TP53I11: variants seen among roughly 807,000 people sequenced by gnomAD.
The protein encoded by TP53I11 is tumor protein p53-inducible protein 11.
In TP53I11, 9 loss-of-function variants were observed where a neutral mutation model predicts 23.3. The ratio of observed to expected loss-of-function variants is 0.39; its 90% confidence interval spans 0.23 to 0.67. TP53I11 has a LOEUF of 0.67. TP53I11 is among the 30% of genes least tolerant of loss of function. The pLI is 0.48. For missense variants in TP53I11, 170 were observed against 255.2 expected, an observed-to-expected ratio of 0.67 and a Z score of 2.27; for synonymous variants, 100 against 106.1, an observed-to-expected ratio of 0.94 and a Z score of 0.35.
At chr11:44,938,177 G>A (rs1436113805) in intron 2 of TP53I11, 30 bp downstream of exon 2, 1 of 1,601,188 alleles carries the variant, frequency 6.2e-7, no homozygotes, top group Non-Finnish European at 8.5e-7. Flanking sequence ...CTCCCCAGTG[G>A]GTGCCGGAGG....
At chr11:44,938,426 AG>A (rs1228686845) in intron 1 of TP53I11, 60 bp from the exon 2 acceptor site, 3 of 1,441,314 alleles carry the variant, frequency 2.1e-6, no homozygotes, top group African/African-American at 2.9e-5. Context: ...CCCTAGGGGA[AG>A]GGGCCTGACT....
intron 1 of TP53I11, among the ~76,000 whole-genome samples, chr11:44,938,594 A>G (rs1163155441): frequency 1.3e-5 from 2 of 152,186 alleles, no homozygotes; most frequent in Admixed American, 1.3e-4. Context: ...TGGACACAGC[A>G]CACCCCATCT....
chr11:44,938,850 C>T (rs1160132304), intron 1 of TP53I11, among the ~76,000 whole-genome samples: 1 of 152,194 alleles, frequency 6.6e-6, no homozygotes, highest in African/African-American at 2.4e-5. Context: ...GTGAGCCCCT[C>T]TCCCGTCTCC....
chr11:44,935,923 T>C (rs1480688339), intron 5 of TP53I11: 8 of 556,488 alleles, frequency 1.4e-5, no homozygotes, highest in East Asian at 9.1e-5. Flanking sequence ...CTTCCCCGCA[T>C]TGAGACTCGA....
intron 2 of TP53I11, among the ~76,000 whole-genome samples, chr11:44,937,885 C>A (rs1861333969): frequency 6.6e-6 from 1 of 152,242 alleles, no homozygotes; most frequent in Non-Finnish European, 1.5e-5. Flanking sequence ...CTGCCACTTA[C>A]CGGTGTGGCC....
Position 44,942,238 on chromosome 11 carries a change from A to C in TP53I11, c.-31-3872T>G, listed in dbSNP as rs12222011. ...CACACCCACCACACACCTACCACAC[A>C]CCACACACACCCACACACTACACAC... On this transcript the variant is annotated intron_variant, in intron 1 of 6. Coordinates refer to ENST00000525680, the MANE Select transcript of TP53I11 (RefSeq NM_006034.5). Among the ~76,000 whole-genome samples the C allele has an allele frequency of 2.6e-4, 30 of 115,052 alleles. No homozygotes were observed. In the South Asian group the frequency reaches 8.0e-3, roughly 31 times the overall value. 75.5% of individuals were successfully genotyped at this position (115,052 alleles called of 152,430 possible).
At chr11:44,942,176 CAA>C (rs1427704762) in intron 1 of TP53I11, among the ~76,000 whole-genome samples, 1 of 99,518 alleles carries the variant, frequency 1.0e-5, no homozygotes, top group Non-Finnish European at 2.1e-5. Context: ...AATGCACACA[CAA>C]AACACACACA....
At chr11:44,935,689 G>A (rs751370895) in intron 5 of TP53I11, 27 bp from the exon 6 acceptor site, 12 of 1,357,334 alleles carry the variant, frequency 8.8e-6, no homozygotes, top group African/African-American at 8.6e-5. Flanking sequence ...AAAGGGGGCT[G>A]GGGGTGGGAC....
chr11:44,938,145 C>A, intron 2 of TP53I11, 62 bp downstream of exon 2: 4 of 1,550,586 alleles, frequency 2.6e-6, no homozygotes, highest in Non-Finnish European at 3.5e-6. Flanking sequence ...AACCTTCTCC[C>A]CTAATGGTGG....
intron 1 of TP53I11, among the ~76,000 whole-genome samples, chr11:44,948,243 C>G (rs1277095224): frequency 2.0e-5 from 3 of 152,188 alleles, no homozygotes; most frequent in African/African-American, 7.2e-5. Flanking sequence ...GACTGACATA[C>G]TGTCTCTGAG....
intron 5 of TP53I11, 123 bp from the exon 6 acceptor site, chr11:44,935,785 G>A (rs904175061): frequency 1.6e-5 from 11 of 671,810 alleles, no homozygotes; most frequent in Middle Eastern, 3.9e-4. Flanking sequence ...TGGACTCCAC[G>A]CCTCCGCCCC....
At position 44,936,126 on chromosome 11, in the gene TP53I11, G is replaced by A. The variant is rs998810688; in HGVS notation, c.335-464C>T. 1.2e-4 allele frequency: 91 copies of A among 762,812 alleles called. No homozygotes were observed. The highest frequency in any genetic ancestry group is 1.5e-4 in the Non-Finnish European group (91 of 618,690). The allele number at this position is 762,812 out of a possible 1,614,324, so 47.3% of individuals were successfully genotyped here. A position where few individuals can be genotyped will look rare whatever the true frequency, so the allele number is the denominator to read the frequency against. ...CGCTTTAAGGAAGTCCCCTGGGGGA[G>A]GGGGATGAACCATACTTTTTAGCAG... On this transcript the variant is annotated intron_variant, in intron 5 of 6. Transcript: ENST00000525680. This position sits in a 1 kb window ranked among gnomAD's most constrained non-coding sequence, Gnocchi z 4.4.
At position 44,934,642 on chromosome 11, in the gene TP53I11, G is replaced by A; in HGVS notation, c.*242C>T. ...CAAGGAAAGGAGGTATCACTGTGAG[G>A]GTGAAGAACAGGGCAGCAGAGGCCC... On this transcript the variant is annotated 3_prime_UTR_variant, in exon 7 of 7. Transcript: ENST00000525680. The A allele has an allele frequency of 1.9e-6, 1 of 536,538 alleles. No homozygotes were observed. The highest frequency in any genetic ancestry group is 3.3e-6 in the Non-Finnish European group (1 of 301,008). 33.2% of individuals were successfully genotyped at this position (536,538 alleles called of 1,614,324 possible).
chr11:44,936,978 T>G lies in TP53I11; in HGVS notation c.238-79A>C. ...ACAGCTGATGCTTCCCACAGACGTCTTCCTTCCCCGCCAGGAGCAGGATCA... is the reference window on the plus strand; with the variant it reads ...ACAGCTGATGCTTCCCACAGACGTCGTCCTTCCCCGCCAGGAGCAGGATCA... On this transcript the variant is annotated intron_variant, in intron 4 of 6. Transcript: ENST00000525680. This position sits in a 1 kb window ranked among gnomAD's most constrained non-coding sequence, Gnocchi z 4.4. 2 of 1,027,406 alleles carry G rather than the reference T, an allele frequency of 1.9e-6. No individual in the cohort carries two copies. Among genetic ancestry groups the G allele is most frequent in the Non-Finnish European group, 1.4e-6 (1 of 701,132 alleles). The allele number at this position is 1,027,406 out of a possible 1,614,324, so 63.6% of individuals were successfully genotyped here.
intron 1 of TP53I11, chr11:44,940,421 A>T (rs2902420): frequency 0.89 from 134,935 of 152,354 alleles, 59,833 homozygotes; most frequent in Admixed American, 0.92. Context: ...CTCCCCTCAC[A>T]CCTCCACCCT....
At chr11:44,935,503 G>A in intron 6 of TP53I11, 58 bp downstream of exon 6, 10 of 1,516,562 alleles carry the variant, frequency 6.6e-6, no homozygotes, top group Non-Finnish European at 9.2e-6. Context: ...GGCTAGAGCA[G>A]GCAGGTCAGG....
chr11:44,935,688 T>TTTGAAAGGGGGGGG, intron 5 of TP53I11, 26 bp from the exon 6 acceptor site: 1 of 424,494 alleles, frequency 2.4e-6, no homozygotes, highest in Non-Finnish European at 4.4e-6. Flanking sequence ...AAAAGGGGGC[T>TTTGAAAGGGGGGGG]GGGGGTGGGA....
At position 44,947,622 on chromosome 11, in the gene TP53I11, G is replaced by A. The variant is rs868673908; in HGVS notation, c.-32+3055C>T. On this transcript the variant is annotated intron_variant, in intron 1 of 6. Coordinates refer to ENST00000525680, the MANE Select transcript of TP53I11 (RefSeq NM_006034.5). ...CTGCCCTTTTCGCAGGATAAGATGGGCCACAACCATAGTCCAGGACTGAGT... is the reference window on the plus strand; with the variant it reads ...CTGCCCTTTTCGCAGGATAAGATGGACCACAACCATAGTCCAGGACTGAGT... 5.3e-5 allele frequency among the ~76,000 whole-genome samples: 8 copies of A among 152,322 alleles called. No individual in the cohort carries two copies. The South Asian group carries it at 1.4e-3, about 28-fold the overall frequency.
At chr11:44,948,647 G>A (rs774449734) in intron 1 of TP53I11, among the ~76,000 whole-genome samples, 19 of 152,174 alleles carry the variant, frequency 1.2e-4, no homozygotes, top group African/African-American at 3.4e-4. Flanking sequence ...GTCCACAGCT[G>A]TCTCCCCAGT....
Sources: gnomAD v4.1 joint callset for allele counts (sites outside exome capture counted in the v4.1 genomes callset) on GRCh38, gnomAD v4.1.1 for gene constraint, Gnocchi (gnomAD v3.1) non-coding constraint, MANE v1.5 for transcripts, NCBI Gene and HGNC (gene_info 2026-07-23, HGNC 2026-07-21) for gene names.